CCNF: variants seen among roughly 807,000 people sequenced by gnomAD.
CCNF encodes cyclin-F.
A neutral mutation model predicts 85.4 loss-of-function variants in CCNF; 30 were observed. The ratio of observed to expected loss-of-function variants is 0.35; its 90% CI spans 0.26 to 0.48. The LOEUF is 0.48. Among genes scored for constraint, CCNF ranks in the 20% least tolerant of loss-of-function variants. The pLI is 0.99. For missense variants in CCNF, 919 were observed against 1,010.4 expected (o/e 0.91, Z 1.23); for synonymous variants, 439 against 425.1 (o/e 1.03, Z -0.40).
Position 2,451,158 on chromosome 16 carries a change from G to T in CCNF, c.1487+1243G>T, listed in dbSNP as rs572600364. ...ATGAAGTCCCTACCGTGGTCCAGGC[G>T]CTGGGGGAGAGGGCAGGACAGAGAG... On this transcript the variant is annotated intron_variant, in intron 13 of 16. Coordinates refer to ENST00000397066, the MANE Select transcript of CCNF (RefSeq NM_001761.3). The surrounding 1 kb of genome is among the most constrained non-coding windows in gnomAD (Gnocchi z 4.3). 6.6e-6 allele frequency among the ~76,000 whole-genome samples: 1 copy of T among 152,248 alleles called. No individual in the cohort carries two copies. The highest frequency in any genetic ancestry group is 2.4e-5 in the African/African-American group (1 of 41,460).
chr16:2,442,228 GGATCTCCTGACTTCGT>G (rs1202602941), intron 8 of CCNF, among the ~76,000 whole-genome samples: 1 of 139,090 alleles, frequency 7.2e-6, no homozygotes, highest in Non-Finnish European at 1.5e-5. Context: ...AGGATGGTCT[GGATCTCCTGACTTCGT>G]GATCTGCCCG....
Position 2,453,376 on chromosome 16 carries a change from G to A in CCNF, c.1588-34G>A. On this transcript the variant is annotated intron_variant, in intron 14 of 16. Coordinates refer to ENST00000397066, the MANE Select transcript of CCNF (RefSeq NM_001761.3). This position sits in a 1 kb window ranked among gnomAD's most constrained non-coding sequence, Gnocchi z 5.6. ...GGTGTGGGCGGGCCTCACCCTCGGG[G>A]CCTCTGCACCCCCTAACTCTAGCTT... The A allele has an allele frequency of 6.2e-7, 1 of 1,613,724 alleles. No individual in the cohort carries two copies. Among genetic ancestry groups the A allele is most frequent in the Non-Finnish European group, 8.5e-7 (1 of 1,179,880 alleles).
At chr16:2,433,318 G>C (rs1266345543) in intron 3 of CCNF, among the ~76,000 whole-genome samples, 1 of 152,164 alleles carries the variant, frequency 6.6e-6, no homozygotes, top group Non-Finnish European at 1.5e-5. Flanking sequence ...GCCTCCAGAG[G>C]GCTGTGATCC....
rs754760067 is a variant in CCNF at position 2,449,358 on chromosome 16, G to A, written c.1295G>A (p.Ser432Asn). 6 of 1,613,636 alleles carry A rather than the reference G, an allele frequency of 3.7e-6. No individual in the cohort carries two copies. In the East Asian group the frequency reaches 6.7e-5, roughly 18 times the overall value. The change falls in exon 12 of 17, where the codon AGC becomes AAC. Residue 432 changes from serine to asparagine, a missense_variant. Ser to Asn is a conservative substitution (Grantham distance 46). Around this residue, in one of 3 missense-constraint regions of CCNF, gnomAD observed 505 missense variants for 514.8 expected, o/e 0.98. Transcript: ENST00000397066. ...PVELRTQHLC[S>N]FLCELSLLHT... ...GAGCTGAGAACCCAGCACCTGTGCA[G>A]CTTCCTCTGCGAGCTCTCCCTGCTG...
intron 8 of CCNF, among the ~76,000 whole-genome samples, chr16:2,442,229 G>A (rs1483777641): frequency 7.2e-6 from 1 of 139,156 alleles, no homozygotes. Context: ...GGATGGTCTG[G>A]ATCTCCTGAC....
At chr16:2,441,685 T>G (rs2065321807) in intron 8 of CCNF, among the ~76,000 whole-genome samples, 1 of 151,628 alleles carries the variant, frequency 6.6e-6, no homozygotes, top group African/African-American at 2.4e-5. Context: ...CCCAGCTAAT[T>G]TTTGTATTTT....
At position 2,437,202 on chromosome 16, in the gene CCNF, G is replaced by C; in HGVS notation, c.420G>C (p.Arg140=). 1 of 1,612,722 alleles carries C rather than the reference G, an allele frequency of 6.2e-7. No homozygotes were observed. Among genetic ancestry groups the C allele is most frequent in the Non-Finnish European group, 8.5e-7 (1 of 1,179,250 alleles). The change falls in exon 5 of 17, where the codon CGG becomes CGC. Residue 140 remains arginine, a synonymous_variant. Transcript: ENST00000397066. The part of the protein sequence containing the change: ...KASRFFSLAE[R]LNVGAAPFIW... ...CTCGCTTCTTCAGTCTCGCTGAGCGGCTGAATGTGGGTGCCGCACCTTTCA... is the reference window on the plus strand; with the variant it reads ...CTCGCTTCTTCAGTCTCGCTGAGCGCCTGAATGTGGGTGCCGCACCTTTCA...
intron 8 of CCNF, among the ~76,000 whole-genome samples, 197 bp downstream of exon 8, chr16:2,440,023 G>A (rs2141819428): frequency 6.6e-6 from 1 of 152,312 alleles, no homozygotes; most frequent in African/African-American, 2.4e-5. Context: ...GAAGAGCTGG[G>A]AAATGCGTTA....
chr16:2,445,696 G>T, intron 10 of CCNF, 74 bp downstream of exon 10: 4 of 1,339,216 alleles, frequency 3.0e-6, no homozygotes, highest in Non-Finnish European at 4.1e-6. Flanking sequence ...TGCCCTTCAT[G>T]TGCTCCTCAC....
At position 2,429,465 on chromosome 16, in the gene CCNF, G is replaced by C. The variant is rs1202440988; in HGVS notation, c.-17G>C. Reference sequence around the variant, plus strand: ...CGCTCTCAGGCGGGCTCCGGCGGCAGCGACGCGAGCGCGGCGATGGGGAGC... The same window carrying C: ...CGCTCTCAGGCGGGCTCCGGCGGCACCGACGCGAGCGCGGCGATGGGGAGC... On this transcript the variant is annotated 5_prime_UTR_variant, in exon 1 of 17. Transcript: ENST00000397066. The C allele has an allele frequency of 9.8e-6, 12 of 1,225,252 alleles. No individual in the cohort carries two copies. In the East Asian group the frequency reaches 2.9e-4, roughly 30 times the overall value. 75.9% of individuals were successfully genotyped at this position (1,225,252 alleles called of 1,614,324 possible).
chr16:2,433,127 G>A (rs1349524461), intron 3 of CCNF, 60 bp downstream of exon 3: 1 of 1,067,830 alleles, frequency 9.4e-7, no homozygotes, highest in Non-Finnish European at 1.4e-6. Flanking sequence ...CTATGTGCCA[G>A]TCTGTGTCTC....
intron 8 of CCNF, 148 bp downstream of exon 8, chr16:2,439,974 C>T (rs1380585021): frequency 1.3e-5 from 9 of 683,300 alleles, no homozygotes; most frequent in Non-Finnish European, 2.1e-5. Flanking sequence ...AAGATCGGTT[C>T]AGCACTGGAA....
chr16:2,449,863 G>A lies in CCNF; in HGVS notation c.1435G>A (p.Gly479Arg), dbSNP rs776384962. 6.9e-6 allele frequency: 11 copies of A among 1,603,786 alleles called. No individual in the cohort carries two copies. Among genetic ancestry groups the A allele is most frequent in the East Asian group, 4.5e-5 (2 of 44,578 alleles). The change falls in exon 13 of 17, where the codon GGA (glycine) becomes AGA (arginine). Residue 479 changes from glycine (G) to arginine (R), a missense_variant. Physicochemically the swap from Gly to Arg is moderately radical, Grantham distance 125. Transcript: ENST00000397066. Reference sequence around the variant, plus strand: ...GACCACTCAGCTGTGGGACCTCACCGGATTCTCCTATGAAGACCTCATTCC... The same window carrying A: ...GACCACTCAGCTGTGGGACCTCACCAGATTCTCCTATGAAGACCTCATTCC... ...PWTTQLWDLT[G>R]FSYEDLIPCV...
Position 2,437,321 on chromosome 16 carries a change from G to A in CCNF, c.539G>A (p.Arg180Lys). The A allele has an allele frequency of 6.3e-7, 1 of 1,580,634 alleles. No individual in the cohort carries two copies. The highest frequency in any genetic ancestry group is 2.1e-4 in the Middle Eastern group (1 of 4,774). ...ESLRAECQLQRTHKASILHCL... is the reference protein window; with the variant it reads ...ESLRAECQLQKTHKASILHCL... Reference sequence around the variant, plus strand: ...CTCAGGGCAGAGTGCCAGCTGCAGAGGGTGAGTCTGGGCGAGGGGCAGCAC... The same window carrying A: ...CTCAGGGCAGAGTGCCAGCTGCAGAAGGTGAGTCTGGGCGAGGGGCAGCAC... The change falls in exon 5 of 17, where the codon AGG becomes AAG. Residue 180 changes from arginine to lysine, a missense_variant and splice_region_variant. Around this residue, in one of 3 missense-constraint regions of CCNF, gnomAD observed 410 missense variants for 478.6 expected, o/e 0.86. Coordinates refer to ENST00000397066, the MANE Select transcript of CCNF (RefSeq NM_001761.3).
At chr16:2,433,657 G>C (rs767832305) in intron 3 of CCNF, among the ~76,000 whole-genome samples, 1 of 152,138 alleles carries the variant, frequency 6.6e-6, no homozygotes, top group African/African-American at 2.4e-5. Flanking sequence ...TGCAATCTCA[G>C]CTCACTGCAA....
chr16:2,453,380 C>T lies in CCNF; in HGVS notation c.1588-30C>T. The T allele has an allele frequency of 1.2e-6, 2 of 1,613,750 alleles. No homozygotes were observed. The highest frequency in any genetic ancestry group is 4.5e-5 in the East Asian group (2 of 44,880). ...TGGGCGGGCCTCACCCTCGGGGCCT[C>T]TGCACCCCCTAACTCTAGCTTCCCC... On this transcript the variant is annotated intron_variant, in intron 14 of 16. Coordinates refer to ENST00000397066, the MANE Select transcript of CCNF (RefSeq NM_001761.3). This position sits in a 1 kb window ranked among gnomAD's most constrained non-coding sequence, Gnocchi z 5.6.
At position 2,431,262 on chromosome 16, in the gene CCNF, AG is replaced by A; in HGVS notation, c.151del (p.Asp51ThrfsTer12). 6.2e-7 allele frequency: 1 copy of A among 1,614,128 alleles called. No individual in the cohort carries two copies. Among genetic ancestry groups the A allele is most frequent in the South Asian group, 1.1e-5 (1 of 91,082 alleles). On this transcript the variant is annotated frameshift_variant, in exon 2 of 17. Transcript: ENST00000397066. LOFTEE classifies it high-confidence loss of function. ...LFHILKWLSV[E>X]DILAVRAVHS... is the part of the protein sequence containing the mutation. Reference sequence around the variant, plus strand: ...CACATCCTGAAATGGCTTTCTGTAGAGGACATCCTGGCCGTCCGAGCTGTAA... The same window carrying A: ...CACATCCTGAAATGGCTTTCTGTAGAGACATCCTGGCCGTCCGAGCTGTAA...
In CCNF at chr16:2,457,017, G is replaced by A. The variant is rs779434402; in HGVS notation, c.2358G>A (p.Leu786=). The A allele has an allele frequency of 1.9e-6, 3 of 1,576,150 alleles. No individual in the cohort carries two copies. Among genetic ancestry groups the A allele is most frequent in the Middle Eastern group, 1.7e-4 (1 of 5,874 alleles). The change falls in exon 17 of 17, where the codon CTG becomes CTA. Residue 786 remains leucine, a synonymous_variant. Transcript: ENST00000397066. ...ACATGAACCTGGGCCTTGTGAGGCTGTAAGTGTGTCAGCACATTTGCCGCA... is the reference window on the plus strand; with the variant it reads ...ACATGAACCTGGGCCTTGTGAGGCTATAAGTGTGTCAGCACATTTGCCGCA... ...EEDMNLGLVR[L] is the part of the protein sequence containing the mutation.
intron 3 of CCNF, among the ~76,000 whole-genome samples, chr16:2,434,685 A>C (rs2065278879): frequency 6.6e-6 from 1 of 152,232 alleles, no homozygotes; most frequent in South Asian, 2.1e-4. Flanking sequence ...AGTTGTACAG[A>C]CATCACCAGT....
Sources: gnomAD v4.1 joint callset for allele counts (sites outside exome capture counted in the v4.1 genomes callset) on GRCh38, gnomAD v4.1.1 for gene constraint, gnomAD v4.1.1 regional missense constraint, Gnocchi (gnomAD v3.1) non-coding constraint, MANE v1.5 for transcripts, NCBI Gene and HGNC (gene_info 2026-07-23, HGNC 2026-07-21) for gene names.